Variants in TRDN observed in about 807,000 individuals in gnomAD.
TRDN encodes the protein triadin in skeletal muscle.
In TRDN, 161 loss-of-function variants were observed where a neutral mutation model predicts 149.7. That is an observed-to-expected ratio of 1.08 (90% CI 0.95 to 1.23). TRDN has a LOEUF of 1.23. TRDN is among the 50% of genes most tolerant of loss of function. TRDN has a pLI of 0.00. For synonymous variants in TRDN, 294 were observed against 250.5 expected, an observed-to-expected ratio of 1.17 and a Z score of -1.64; for missense variants, 896 against 823.5, an observed-to-expected ratio of 1.09 and a Z score of -1.08.
chr6:123,416,107 C>G (rs963167368), intron 12 of TRDN, among the ~76,000 whole-genome samples: 1 of 152,144 alleles, frequency 6.6e-6, no homozygotes, highest in African/African-American at 2.4e-5. Context: ...ACAGCAGTGT[C>G]ACTAAAGTTA....
rs528676101 is a variant in TRDN, at chr6:123,582,370, GC to G, written c.23-11239del. Among the ~76,000 whole-genome samples, 109 of 152,258 alleles carry G rather than the reference GC, an allele frequency of 7.2e-4. 2 individuals carry two copies. In the East Asian group the frequency reaches 0.014, roughly 19 times the overall value. Reference sequence around the variant, plus strand: ...TCCGTGTGAAGAGACCACCAAACAGGCTTTGTGTGAGCAATAAAGCTGTTTA... The same window carrying G: ...TCCGTGTGAAGAGACCACCAAACAGGTTTGTGTGAGCAATAAAGCTGTTTA... On this transcript the variant is annotated intron_variant, in intron 1 of 40. Coordinates refer to ENST00000334268, the MANE Select transcript of TRDN (RefSeq NM_006073.4).
At chr6:123,397,657 T>C (rs1032157004) in intron 12 of TRDN, among the ~76,000 whole-genome samples, 2 of 152,226 alleles carry the variant, frequency 1.3e-5, no homozygotes, top group African/African-American at 4.8e-5. Context: ...TCACTGATTA[T>C]GTGTTATTCA....
At chr6:123,238,283 A>G (rs1775861490) in intron 38 of TRDN, among the ~76,000 whole-genome samples, 1 of 152,138 alleles carries the variant, frequency 6.6e-6, no homozygotes, top group Non-Finnish European at 1.5e-5. Flanking sequence ...AAATTCACAT[A>G]TTCAGGTTTT....
intron 10 of TRDN, among the ~76,000 whole-genome samples, chr6:123,460,285 TTCTG>T (rs994396966): frequency 6.6e-6 from 1 of 152,178 alleles, no homozygotes; most frequent in South Asian, 2.1e-4. Flanking sequence ...CCTTACTAGC[TTCTG>T]TGGATACCAA....
chr6:123,581,458 TA>T (rs1404121415), intron 1 of TRDN, among the ~76,000 whole-genome samples: 2 of 152,182 alleles, frequency 1.3e-5, no homozygotes, highest in Non-Finnish European at 1.5e-5. Flanking sequence ...TTTGCACAGT[TA>T]AGGCCCCAAT....
chr6:123,440,721 T>A (rs926981130), intron 10 of TRDN, among the ~76,000 whole-genome samples: 1 of 152,236 alleles, frequency 6.6e-6, no homozygotes, highest in African/African-American at 2.4e-5. Flanking sequence ...TTAAAAAGCT[T>A]GTGCCAATTA....
intron 9 of TRDN, among the ~76,000 whole-genome samples, chr6:123,481,786 T>G (rs1230106706): frequency 2.0e-5 from 3 of 152,196 alleles, no homozygotes; most frequent in Non-Finnish European, 4.4e-5. Flanking sequence ...GAGAACTACC[T>G]GAGTTTTCCT....
chr6:123,582,463 G>A (rs984131742), intron 1 of TRDN, among the ~76,000 whole-genome samples: 16 of 147,988 alleles, frequency 1.1e-4, no homozygotes, highest in South Asian at 1.1e-3. Context: ...GGGTGGGGCC[G>A]TTTTATAGGA....
intron 38 of TRDN, among the ~76,000 whole-genome samples, chr6:123,232,627 G>A (rs1054676336): frequency 6.6e-6 from 1 of 152,014 alleles, no homozygotes; most frequent in African/African-American, 2.4e-5. Context: ...GAAAGCAAGA[G>A]AGGATGGAAT....
chr6:123,476,526 CA>C (rs1164831581), intron 9 of TRDN, among the ~76,000 whole-genome samples: 1 of 135,392 alleles, frequency 7.4e-6, no homozygotes, highest in Non-Finnish European at 1.6e-5. Context: ...ATCAAGCTAC[CA>C]ATGACTTTCT....
chr6:123,384,482 A>G (rs1339962770), intron 14 of TRDN, among the ~76,000 whole-genome samples: 1 of 152,180 alleles, frequency 6.6e-6, no homozygotes, highest in Non-Finnish European at 1.5e-5. Context: ...GTGGGAACAC[A>G]GAGAAGATGA....
At chr6:123,263,752 T>C (rs1162416581) in intron 33 of TRDN, among the ~76,000 whole-genome samples, 1 of 152,102 alleles carries the variant, frequency 6.6e-6, no homozygotes, top group Non-Finnish European at 1.5e-5. Context: ...GCTGAGTCTC[T>C]TGTTGGAGGC....
intron 5 of TRDN, among the ~76,000 whole-genome samples, chr6:123,520,201 A>T (rs998536593): frequency 1.3e-5 from 2 of 152,176 alleles, no homozygotes; most frequent in African/African-American, 4.8e-5. Context: ...TAGAAATGCA[A>T]TATTGAGTTA....
chr6:123,612,684 C>T (rs943719264), intron 1 of TRDN, among the ~76,000 whole-genome samples: 5 of 149,870 alleles, frequency 3.3e-5, no homozygotes, highest in East Asian at 3.9e-4. Context: ...ACTACAGGCA[C>T]GCACCACTGT....
intron 23 of TRDN, among the ~76,000 whole-genome samples, chr6:123,322,624 TA>T (rs1206863371): frequency 9.7e-6 from 1 of 103,356 alleles, no homozygotes; most frequent in Non-Finnish European, 2.0e-5. Context: ...TTATTATTAT[TA>T]TTATTATTAT....
chr6:123,245,426 A>T (rs970508994), intron 38 of TRDN, among the ~76,000 whole-genome samples: 2 of 152,190 alleles, frequency 1.3e-5, no homozygotes, highest in Non-Finnish European at 2.9e-5. Flanking sequence ...AAAGAAAAAA[A>T]AAGCAGGGGT....
intron 12 of TRDN, among the ~76,000 whole-genome samples, chr6:123,400,682 G>T (rs1196849922): frequency 2.0e-5 from 3 of 152,114 alleles, no homozygotes; most frequent in Non-Finnish European, 4.4e-5. Flanking sequence ...TACATATAAG[G>T]TAGAGAGAGT....
At chr6:123,404,251 C>G (rs1033549928) in intron 12 of TRDN, among the ~76,000 whole-genome samples, 36 of 152,084 alleles carry the variant, frequency 2.4e-4, no homozygotes, top group African/African-American at 8.7e-4. Context: ...TACTTGATGT[C>G]CTTTCCAACC....
At chr6:123,270,174 C>T (rs943438045) in intron 30 of TRDN, among the ~76,000 whole-genome samples, 5 of 151,878 alleles carry the variant, frequency 3.3e-5, no homozygotes, top group Admixed American at 1.3e-4. Flanking sequence ...ACTCAGGTGG[C>T]CATATTAATA....
Sources: allele counts gnomAD v4.1 joint callset (sites outside exome capture counted in the v4.1 genomes callset), GRCh38; gene constraint gnomAD v4.1.1; transcripts MANE v1.5; gene names NCBI Gene and HGNC (gene_info 2026-07-23, HGNC 2026-07-21).